Variants in KCNAB1 observed in about 807,000 individuals in gnomAD.
KCNAB1 encodes voltage-gated potassium channel subunit beta-1.
In KCNAB1, 35 loss-of-function variants were observed where a neutral mutation model predicts 64.6. The ratio of observed to expected loss-of-function variants is 0.54; its 90% confidence interval spans 0.41 to 0.72. KCNAB1 has a LOEUF of 0.72. Ranked by LOEUF, KCNAB1 falls within the 30% of genes least tolerant of loss-of-function variation. The probability of loss-of-function intolerance (pLI) is 0.00; values close to 1 mark genes in which losing one functional copy is unlikely to be tolerated. For synonymous variants in KCNAB1, 177 were observed against 183.8 expected, an observed-to-expected ratio of 0.96 and a Z score of 0.30; for missense variants, 401 against 512.9, an observed-to-expected ratio of 0.78 and a Z score of 2.11.
In KCNAB1 at chr3:156,537,145, G is replaced by A. The variant is rs770237097; in HGVS notation, c.*398G>A. On this transcript the variant is annotated 3_prime_UTR_variant, in exon 14 of 14. Coordinates refer to ENST00000490337, the MANE Select transcript of KCNAB1 (RefSeq NM_172160.3). The stretch of plus-strand genomic sequence containing the variant: ...TGTGAGTTGCGTAAGAAACAGAGTA[G>A]ATAGACTAAATTCAGTGAAGGAAAG... 1 of 398,046 alleles carries A rather than the reference G, an allele frequency of 2.5e-6. No homozygotes were observed. The highest frequency in any genetic ancestry group is 3.6e-5 in the East Asian group (1 of 28,070). The allele number at this position is 398,046 out of a possible 1,614,324, so 24.7% of individuals were successfully genotyped here. A position where few individuals can be genotyped will look rare whatever the true frequency, so the allele number is the denominator to read the frequency against.
chr3:156,419,552 T>C lies in KCNAB1; in HGVS notation c.276-2064T>C, dbSNP rs149218666. 1.0e-3 allele frequency among the ~76,000 whole-genome samples: 154 copies of C among 151,736 alleles called. 1 individual carries two copies. The highest frequency in any genetic ancestry group is 3.5e-3 in the African/African-American group (145 of 41,422). On this transcript the variant is annotated intron_variant, in intron 1 of 13. Transcript: ENST00000490337. The stretch of plus-strand genomic sequence containing the variant: ...AAAGAAAAGAAAAATCTCTGAACTA[T>C]AGAGACTTAGCCTTAGAACTGTCTT...
At chr3:156,519,890 G>T (rs1717824803) in intron 11 of KCNAB1, among the ~76,000 whole-genome samples, 1 of 152,206 alleles carries the variant, frequency 6.6e-6, no homozygotes, top group Admixed American at 6.5e-5. Flanking sequence ...GTGCCACCCT[G>T]TGAGACCAAT....
At chr3:156,232,138 T>C (rs1467713647) in intron 1 of KCNAB1, among the ~76,000 whole-genome samples, 1 of 152,204 alleles carries the variant, frequency 6.6e-6, no homozygotes, top group African/African-American at 2.4e-5. Context: ...CTAAATAATA[T>C]TACTTAGAAA....
At chr3:156,347,184 T>G (rs1724535159) in intron 1 of KCNAB1, among the ~76,000 whole-genome samples, 1 of 152,196 alleles carries the variant, frequency 6.6e-6, no homozygotes, top group Non-Finnish European at 1.5e-5. Flanking sequence ...TAGCCTCAAG[T>G]ACCAGATAAA....
chr3:156,431,938 C>T (rs1184695183), intron 2 of KCNAB1, among the ~76,000 whole-genome samples: 1 of 152,180 alleles, frequency 6.6e-6, no homozygotes, highest in Non-Finnish European at 1.5e-5. Flanking sequence ...ATCCCTGAGC[C>T]AATCATCAAA....
intron 1 of KCNAB1, among the ~76,000 whole-genome samples, chr3:156,151,086 G>A (rs1319770769): frequency 1.3e-5 from 2 of 152,200 alleles, no homozygotes; most frequent in Admixed American, 6.5e-5. Context: ...CAGGCACCTT[G>A]TTACACAGTT....
At chr3:156,258,239 A>G (rs950046962) in intron 1 of KCNAB1, among the ~76,000 whole-genome samples, 3 of 152,208 alleles carry the variant, frequency 2.0e-5, no homozygotes, top group African/African-American at 7.2e-5. Flanking sequence ...AGGAGCGTCT[A>G]TCTTACCTGA....
intron 1 of KCNAB1, among the ~76,000 whole-genome samples, chr3:156,347,378 G>C (rs1489856839): frequency 6.6e-6 from 1 of 152,182 alleles, no homozygotes; most frequent in Non-Finnish European, 1.5e-5. Context: ...ATTGCTTGCT[G>C]TGTGAGGAAA....
chr3:156,524,025 T>A, intron 12 of KCNAB1, 78 bp downstream of exon 12: 1 of 1,336,786 alleles, frequency 7.5e-7, no homozygotes, highest in Non-Finnish European at 1.0e-6. Context: ...ACCACACCCT[T>A]ACCATGATAA....
intron 1 of KCNAB1, among the ~76,000 whole-genome samples, chr3:156,328,760 A>G (rs1416647411): frequency 6.6e-6 from 1 of 152,220 alleles, no homozygotes; most frequent in East Asian, 1.9e-4. Context: ...AGCATTGCAC[A>G]GAAGCATTAA....
rs1051802163 is a variant in KCNAB1 at position 156,537,143 on chromosome 3, T to C, written c.*396T>C. The C allele has an allele frequency of 5.0e-6, 2 of 398,414 alleles. No homozygotes were observed. Among genetic ancestry groups the C allele is most frequent in the Admixed American group, 4.4e-5 (1 of 22,712 alleles). 24.7% of individuals were successfully genotyped at this position (398,414 alleles called of 1,614,324 possible). A position where few individuals can be genotyped will look rare whatever the true frequency, so the allele number is the denominator to read the frequency against. The stretch of plus-strand genomic sequence containing the variant: ...AATGTGAGTTGCGTAAGAAACAGAG[T>C]AGATAGACTAAATTCAGTGAAGGAA... On this transcript the variant is annotated 3_prime_UTR_variant, in exon 14 of 14. Coordinates refer to ENST00000490337, the MANE Select transcript of KCNAB1 (RefSeq NM_172160.3).
intron 2 of KCNAB1, among the ~76,000 whole-genome samples, chr3:156,432,032 G>A (rs1457986977): frequency 6.6e-6 from 1 of 152,208 alleles, no homozygotes; most frequent in South Asian, 2.1e-4. Context: ...GTAGGGAAGT[G>A]ATTCATTCTC....
chr3:156,194,186 C>T (rs1713739267), intron 1 of KCNAB1, among the ~76,000 whole-genome samples: 1 of 151,204 alleles, frequency 6.6e-6, no homozygotes, highest in Non-Finnish European at 1.5e-5. Context: ...TCATGCTTGT[C>T]ATTCTTTTAT....
upstream of KCNAB1, among the ~76,000 whole-genome samples, chr3:156,119,875 TC>T (rs1473009443): frequency 6.6e-6 from 1 of 152,082 alleles, no homozygotes; most frequent in East Asian, 1.9e-4. Flanking sequence ...CACCATTCCC[TC>T]CCACTCTTCT....
intron 1 of KCNAB1, among the ~76,000 whole-genome samples, chr3:156,342,958 AGAGTCAAT>A (rs1724243750): frequency 6.6e-6 from 1 of 152,214 alleles, no homozygotes; most frequent in Admixed American, 6.5e-5. Flanking sequence ...AATAATCATT[AGAGTCAAT>A]GAAGTTTACA....
intron 1 of KCNAB1, among the ~76,000 whole-genome samples, chr3:156,128,230 C>T (rs930210834): frequency 2.0e-5 from 3 of 152,128 alleles, no homozygotes; most frequent in South Asian, 2.1e-4. Flanking sequence ...TGAGACTAGA[C>T]GAGATGATCC....
At position 156,132,771 on chromosome 3, in the gene KCNAB1, G is replaced by A. The variant is rs773222677; in HGVS notation, c.275+11885G>A. On this transcript the variant is annotated intron_variant, in intron 1 of 13. Transcript: ENST00000490337. The stretch of plus-strand genomic sequence containing the variant: ...ATCATTACACATGTTTTTCTATAAT[G>A]TACCTCCAGGATTCATAACAACAGA... Among the ~76,000 whole-genome samples the A allele has an allele frequency of 4.6e-4, 70 of 152,158 alleles. 1 individual carries two copies. Among genetic ancestry groups the A allele is most frequent in the Admixed American group, 1.4e-3 (21 of 15,274 alleles).
chr3:156,131,924 C>T (rs756435813), intron 1 of KCNAB1, among the ~76,000 whole-genome samples: 1 of 152,056 alleles, frequency 6.6e-6, no homozygotes, highest in Non-Finnish European at 1.5e-5. Context: ...GGTGGAGGCC[C>T]CATTTTGTGG....
rs529290209 is a variant in KCNAB1 at position 156,305,426 on chromosome 3, A to C, written c.276-116190A>C. On this transcript the variant is annotated intron_variant, in intron 1 of 13. Coordinates refer to ENST00000490337, the MANE Select transcript of KCNAB1 (RefSeq NM_172160.3). ...GAGTGATCCAGTTTTCATAAGCTTC[A>C]AAGTCTTCTGTGGGATTGCATTACA... Among the ~76,000 whole-genome samples the C allele has an allele frequency of 2.0e-5, 3 of 152,312 alleles. No homozygotes were observed. In the East Asian group the frequency reaches 5.8e-4, roughly 29 times the overall value.
Sources: allele counts gnomAD v4.1 joint callset (sites outside exome capture counted in the v4.1 genomes callset), GRCh38; gene constraint gnomAD v4.1.1; transcripts MANE v1.5; gene names NCBI Gene and HGNC (gene_info 2026-07-23, HGNC 2026-07-21).